Variants in SLC35B2 observed in about 807,000 individuals in gnomAD.
The protein encoded by SLC35B2 is adenosine 3'-phospho 5'-phosphosulfate transporter 1.
SLC35B2 carries 19 observed loss-of-function variants against 37.9 expected under a neutral mutation model. The observed-to-expected ratio is 0.50, with a 90% CI of 0.35 to 0.74. The LOEUF (loss-of-function observed/expected upper bound fraction) is 0.74. SLC35B2 is among the 30% of genes least tolerant of loss of function. The pLI is 0.01. For synonymous variants in SLC35B2, 277 were observed against 225.2 expected (o/e 1.23, Z -2.06); for missense variants, 633 against 547.6 (o/e 1.16, Z -1.56).
At position 44,255,577 on chromosome 6, in the gene SLC35B2, G is replaced by T. The variant is rs951321908; in HGVS notation, c.428C>A (p.Thr143Lys). 6.2e-7 allele frequency: 1 copy of T among 1,614,224 alleles called. No individual in the cohort carries two copies. Among genetic ancestry groups the T allele is most frequent in the Admixed American group, 1.7e-5 (1 of 60,034 alleles). ...GTCCGTAAAGCGCTCACCCGGTGAT[G>T]TGGCTGTGGCCCCATAGCTGCGGGT... ...VMTRSYGATA[T>K]SPGERFTDSQ... Residue 143 changes from threonine (T) to lysine (K), a missense_variant, in exon 4 of 4, where the codon ACA becomes AAA. Coordinates refer to ENST00000393812, the MANE Select transcript of SLC35B2 (RefSeq NM_178148.4).
In SLC35B2 at chr6:44,254,768, C is replaced by A. The variant is rs141587728; in HGVS notation, c.1237G>T (p.Gly413Cys). ...TTCTTTCCCCGTTGCTTTAGACGGC[C>A]CCGCGCGTAGACTCTGAGCAGGAGG... ...AALLLRVYAR[G>C]RLKQRGKKAV... The change falls in exon 4 of 4, where the codon GGC becomes TGC. Residue 413 changes from glycine to cysteine, a missense_variant. Transcript: ENST00000393812. 294 of 1,614,036 alleles carry A rather than the reference C, an allele frequency of 1.8e-4. No individual in the cohort carries two copies. Among genetic ancestry groups the A allele is most frequent in the Non-Finnish European group, 2.4e-4 (284 of 1,180,038 alleles).
Position 44,254,980 on chromosome 6 carries a change from A to G in SLC35B2, c.1025T>C (p.Leu342Pro). 1 of 1,614,222 alleles carries G rather than the reference A, an allele frequency of 6.2e-7. No individual in the cohort carries two copies. The highest frequency in any genetic ancestry group is 8.5e-7 in the Non-Finnish European group (1 of 1,180,036). The change falls in exon 4 of 4, where the codon CTG becomes CCG. Residue 342 changes from leucine to proline, a missense_variant. Leu to Pro is a moderately conservative substitution (Grantham distance 98, BLOSUM62 -3). Coordinates refer to ENST00000393812, the MANE Select transcript of SLC35B2 (RefSeq NM_178148.4). ...GRHSEFAAHA[L>P]LLSICSACGQ... ...ACATGCGGAGCAGATGGAGAGTAGCAGGGCATGGGCAGCAAACTCACTGTG... is the reference window on the plus strand; with the variant it reads ...ACATGCGGAGCAGATGGAGAGTAGCGGGGCATGGGCAGCAAACTCACTGTG...
At chr6:44,257,034 G>A (rs1041827495) in intron 1 of SLC35B2, 156 bp from the exon 2 acceptor site, 4 of 801,542 alleles carry the variant, frequency 5.0e-6, no homozygotes, top group South Asian at 4.2e-5. Context: ...TCTCTCTCTC[G>A]GGGAGGGGGT....
Position 44,256,419 on chromosome 6 carries a change from C to G in SLC35B2, c.283G>C (p.Ala95Pro). ...GTCTCTGCCGCCTCTGTTCGGGGCGCCAGGGGAACCTCATCAGAGGCCTTG... is the reference window on the plus strand; with the variant it reads ...GTCTCTGCCGCCTCTGTTCGGGGCGGCAGGGGAACCTCATCAGAGGCCTTG... ...EPKASDEVPL[A>P]PRTEAAETTP... is the part of the protein sequence containing the mutation. The change falls in exon 3 of 4, where the codon GCG becomes CCG. Residue 95 changes from alanine to proline, a missense_variant. Ala to Pro is a conservative substitution (Grantham distance 27). Coordinates refer to ENST00000393812, the MANE Select transcript of SLC35B2 (RefSeq NM_178148.4). The G allele has an allele frequency of 6.2e-7, 1 of 1,614,210 alleles. No homozygotes were observed. The highest frequency in any genetic ancestry group is 8.5e-7 in the Non-Finnish European group (1 of 1,180,040).
chr6:44,257,246 C>A (rs1254504436), intron 1 of SLC35B2, 154 bp downstream of exon 1: 3 of 899,702 alleles, frequency 3.3e-6, no homozygotes, highest in East Asian at 3.3e-5. Flanking sequence ...GAGCACAAAA[C>A]CAAGCCGCAG....
rs151187942 is a variant in SLC35B2, at chr6:44,255,262, A to C, written c.743T>G (p.Ile248Ser). Residue 248 changes from isoleucine to serine, a missense_variant, in exon 4 of 4, where the codon ATT (isoleucine) becomes AGT (serine). Physicochemically the swap from Ile to Ser is moderately radical, Grantham distance 142. Transcript: ENST00000393812. ...GGATAGCAGAAACATGCTGACCCCA[A>C]TGGAGATGAGGGTGGCTGTCAGGTA... The part of the protein sequence containing the change: ...WEYLTATLIS[I>S]GVSMFLLSSG... 1 of 1,614,072 alleles carries C rather than the reference A, an allele frequency of 6.2e-7. No homozygotes were observed. The highest frequency in any genetic ancestry group is 1.3e-5 in the African/African-American group (1 of 74,932).
chr6:44,254,696 C>T lies in SLC35B2; in HGVS notation c.*10G>A, dbSNP rs1781177038. On this transcript the variant is annotated 3_prime_UTR_variant, in exon 4 of 4. Coordinates refer to ENST00000393812, the MANE Select transcript of SLC35B2 (RefSeq NM_178148.4). ...CCTATTTCACTTCACCCCTCAGGCCCTTTCCACCCTCAAACCTTCTGCACA... is the reference window on the plus strand; with the variant it reads ...CCTATTTCACTTCACCCCTCAGGCCTTTTCCACCCTCAAACCTTCTGCACA... 5.0e-6 allele frequency: 8 copies of T among 1,600,422 alleles called. No homozygotes were observed. Among genetic ancestry groups the T allele is most frequent in the Non-Finnish European group, 6.0e-6 (7 of 1,170,878 alleles).
chr6:44,255,372 G>A lies in SLC35B2; in HGVS notation c.633C>T (p.Thr211=). ...YEALKFVSFP[T]QVLAKASKVI... is the part of the protein sequence containing the mutation. Reference sequence around the variant, plus strand: ...CCTTAGAGGCCTTGGCCAGCACCTGGGTGGGGAAGCTGACGAACTTAAGAG... The same window carrying A: ...CCTTAGAGGCCTTGGCCAGCACCTGAGTGGGGAAGCTGACGAACTTAAGAG... The change falls in exon 4 of 4, where the codon ACC becomes ACT. Residue 211 remains threonine, a synonymous_variant. Transcript: ENST00000393812. 6.2e-7 allele frequency: 1 copy of A among 1,614,250 alleles called. No individual in the cohort carries two copies. Among genetic ancestry groups the A allele is most frequent in the South Asian group, 1.1e-5 (1 of 91,084 alleles).
Position 44,254,877 on chromosome 6 carries a change from G to A in SLC35B2, c.1128C>T (p.Ala376=). 6.2e-7 allele frequency: 1 copy of A among 1,614,238 alleles called. No individual in the cohort carries two copies. The highest frequency in any genetic ancestry group is 8.5e-7 in the Non-Finnish European group (1 of 1,180,046). ...VFTIIMTLRQ[A]FAILLSCLLY... is the part of the protein sequence containing the mutation. ...GAAGGCAGGAAAGAAGGATGGCAAA[G>A]GCCTGGCGGAGGGTCATGATGATGG... Residue 376 remains alanine (A), a synonymous_variant, in exon 4 of 4, where the codon GCC becomes GCT. Transcript: ENST00000393812.
Position 44,257,405 on chromosome 6 carries a change from G to A in SLC35B2, c.6C>T (p.Asp2=). The change falls in exon 1 of 4, where the codon GAC becomes GAT. Residue 2 remains aspartate (D), a synonymous_variant. Transcript: ENST00000393812. ...GCTGCTGCCCTAGCCCCCACCTGGC[G>A]TCCATGGTCCAGGCCGCGTGGGGTG... The part of the protein sequence containing the change: M[D]ARWWAVVVLA... 1 of 1,274,042 alleles carries A rather than the reference G, an allele frequency of 7.8e-7. No homozygotes were observed. The highest frequency in any genetic ancestry group is 1.0e-6 in the Non-Finnish European group (1 of 1,002,670). The allele number at this position is 1,274,042 out of a possible 1,614,324, so 78.9% of individuals were successfully genotyped here.
Position 44,254,858 on chromosome 6 carries a change from A to C in SLC35B2, c.1147T>G (p.Cys383Gly), listed in dbSNP as rs1343890124. 7 of 1,614,112 alleles carry C rather than the reference A, an allele frequency of 4.3e-6. No homozygotes were observed. The highest frequency in any genetic ancestry group is 5.9e-6 in the Non-Finnish European group (7 of 1,180,048). ...LRQAFAILLS[C>G]LLYGHTVTVV... ...GTGACAGTGTGGCCATAGAGAAGGC[A>C]GGAAAGAAGGATGGCAAAGGCCTGG... is the stretch of plus-strand genomic sequence containing the variant. The change falls in exon 4 of 4, where the codon TGC becomes GGC. Residue 383 changes from cysteine to glycine, a missense_variant. Coordinates refer to ENST00000393812, the MANE Select transcript of SLC35B2 (RefSeq NM_178148.4).
Position 44,257,524 on chromosome 6 carries a change from G to A in SLC35B2, c.-114C>T, listed in dbSNP as rs1390965195. 1.9e-6 allele frequency: 2 copies of A among 1,047,888 alleles called. No individual in the cohort carries two copies. Among genetic ancestry groups the A allele is most frequent in the East Asian group, 3.4e-5 (1 of 29,186 alleles). 64.9% of individuals were successfully genotyped at this position (1,047,888 alleles called of 1,614,324 possible). A position where few individuals can be genotyped will look rare whatever the true frequency, so the allele number is the denominator to read the frequency against. ...GCGGCCAGCGAGCCAGCGGCCAGCG[G>A]AAGTGCCGCGCTCTTCCCGCCTCCC... On this transcript the variant is annotated 5_prime_UTR_variant, in exon 1 of 4. Coordinates refer to ENST00000393812, the MANE Select transcript of SLC35B2 (RefSeq NM_178148.4).
At chr6:44,255,804 G>T (rs932339642) in intron 3 of SLC35B2, among the ~76,000 whole-genome samples, 160 bp from the exon 4 acceptor site, 1 of 152,158 alleles carries the variant, frequency 6.6e-6, no homozygotes, top group African/African-American at 2.4e-5. Context: ...CCTAAGTCTG[G>T]ATTCACCTTG....
In SLC35B2 at chr6:44,256,832, C is replaced by T. The variant is rs1489458584; in HGVS notation, c.58G>A (p.Gly20Ser). The change falls in exon 2 of 4, where the codon GGT (glycine) becomes AGT (serine). Residue 20 changes from glycine (G) to serine (S), a missense_variant. Physicochemically the swap from Gly to Ser is moderately conservative, Grantham distance 56. Coordinates refer to ENST00000393812, the MANE Select transcript of SLC35B2 (RefSeq NM_178148.4). ...VLAAFPSLGA[G>S]GETPEAPPES... ...GGAGGGGCTTCGGGAGTCTCCCCAC[C>T]TGCCCCTAGGGAGGGGAACGCAGCC... is the stretch of plus-strand genomic sequence containing the variant. The T allele has an allele frequency of 2.5e-6, 4 of 1,613,282 alleles. No homozygotes were observed. The highest frequency in any genetic ancestry group is 3.4e-6 in the Non-Finnish European group (4 of 1,179,588).
rs753945203 is a variant in SLC35B2, at chr6:44,256,338, C to T, written c.360+4G>A. 11 of 1,600,268 alleles carry T rather than the reference C, an allele frequency of 6.9e-6. No homozygotes were observed. The Admixed American group carries it at 8.9e-5, about 13-fold the overall frequency. The stretch of plus-strand genomic sequence containing the variant: ...AGGAAGAGAGGCTGAGCCCACCTAC[C>T]CACCTGGAGCCCTGTGGCACAGAAG... On this transcript the variant is annotated splice_donor_region_variant and intron_variant, in intron 3 of 3. Transcript: ENST00000393812.
intron 1 of SLC35B2, 135 bp downstream of exon 1, chr6:44,257,265 C>A: frequency 9.6e-7 from 1 of 1,046,254 alleles, no homozygotes; most frequent in Non-Finnish European, 1.3e-6. Context: ...AGCTCCCATC[C>A]CCGCTGGCTC....
At chr6:44,257,541 C>T (rs1162391495), upstream of SLC35B2, 52 of 885,996 alleles carry the variant, frequency 5.9e-5, no homozygotes, top group Non-Finnish European at 7.2e-5. Context: ...CGCGCTCTTC[C>T]CGCCTCCCTC....
intron 1 of SLC35B2, chr6:44,257,149 G>C (rs939293215): frequency 3.9e-6 from 2 of 516,658 alleles, no homozygotes; most frequent in East Asian, 3.4e-5. Context: ...CGGCTGCTCA[G>C]GTCAGAGGAA....
rs140212195 is a variant in SLC35B2 at position 44,254,311 on chromosome 6, C to T, written c.*395G>A. On this transcript the variant is annotated 3_prime_UTR_variant, in exon 4 of 4. Transcript: ENST00000393812. Reference sequence around the variant, plus strand: ...GAAAGCAGCATTGGAGCCTACACCGCTTGTGCTTTTCTCACCAGGGTAAGA... The same window carrying T: ...GAAAGCAGCATTGGAGCCTACACCGTTTGTGCTTTTCTCACCAGGGTAAGA... 3.2e-4 allele frequency: 69 copies of T among 217,958 alleles called. No individual in the cohort carries two copies. Among genetic ancestry groups the T allele is most frequent in the Admixed American group, 7.8e-4 (15 of 19,210 alleles). The allele number at this position is 217,958 out of a possible 1,614,324, so 13.5% of individuals were successfully genotyped here.
Sources: gnomAD v4.1 joint callset for allele counts (sites outside exome capture counted in the v4.1 genomes callset) on GRCh38, gnomAD v4.1.1 for gene constraint, MANE v1.5 for transcripts, NCBI Gene and HGNC (gene_info 2026-07-23, HGNC 2026-07-21) for gene names.